UBR1: variants seen among roughly 807,000 people sequenced by gnomAD.
UBR1 encodes ubiquitin protein ligase E3 component n-recognin 1, also known as E3 ubiquitin-protein ligase UBR1.
A neutral mutation model predicts 242.1 loss-of-function variants in UBR1; 102 were observed. That is an observed-to-expected ratio of 0.42 (90% confidence interval 0.36 to 0.50). UBR1 has a LOEUF of 0.50. Among genes scored for constraint, UBR1 ranks in the 20% least tolerant of loss-of-function variants. The pLI, the probability that UBR1 is intolerant of heterozygous loss-of-function variation, is 0.01. For synonymous variants in UBR1, 675 were observed against 684.8 expected (o/e 0.99, Z 0.22); for missense variants, 1,772 against 2,101.8 (o/e 0.84, Z 3.07).
intron 43 of UBR1, 97 bp from the exon 44 acceptor site, chr15:42,958,187 A>C: frequency 1.3e-6 from 1 of 759,710 alleles, no homozygotes; most frequent in Non-Finnish European, 2.2e-6. Flanking sequence ...AAATAACAAA[A>C]GGATCTACAC....
At chr15:43,040,626 G>A (rs1221918624) in intron 15 of UBR1, among the ~76,000 whole-genome samples, 1 of 152,178 alleles carries the variant, frequency 6.6e-6, no homozygotes, top group African/African-American at 2.4e-5. Context: ...CTTCTGCACA[G>A]CAAAAGAAAC....
chr15:43,100,181 T>G (rs1197264699), intron 1 of UBR1, among the ~76,000 whole-genome samples: 2 of 151,972 alleles, frequency 1.3e-5, no homozygotes, highest in Non-Finnish European at 2.9e-5. Context: ...GGCCAAGAGG[T>G]GCCTTTAACC....
intron 1 of UBR1, 133 bp from the exon 2 acceptor site, chr15:43,086,373 G>A: frequency 6.3e-6 from 6 of 956,810 alleles, no homozygotes; most frequent in Non-Finnish European, 8.5e-6. Context: ...AATACAGAAG[G>A]AAAGTGGGTG....
intron 43 of UBR1, among the ~76,000 whole-genome samples, chr15:42,959,233 G>T (rs557977591): frequency 6.6e-6 from 1 of 151,870 alleles, no homozygotes; most frequent in South Asian, 2.1e-4. Context: ...TTTTTGGTTT[G>T]TTTTTTTAGA....
chr15:42,989,720 C>T (rs1369669108), intron 34 of UBR1, among the ~76,000 whole-genome samples: 1 of 152,132 alleles, frequency 6.6e-6, no homozygotes, highest in Non-Finnish European at 1.5e-5. Context: ...AATGAAGTCT[C>T]ATAATTCTGG....
intron 8 of UBR1, 37 bp from the exon 9 acceptor site, chr15:43,059,229 T>C (rs751243791): frequency 1.9e-6 from 3 of 1,577,530 alleles, no homozygotes; most frequent in African/African-American, 1.3e-5. Flanking sequence ...ACACAACTTG[T>C]ATTCTTTTTC....
chr15:42,992,127 G>A (rs986396810), intron 33 of UBR1, among the ~76,000 whole-genome samples: 3 of 151,826 alleles, frequency 2.0e-5, no homozygotes, highest in Non-Finnish European at 2.9e-5. Flanking sequence ...ATCTCCATAC[G>A]GTTGGTTTTT....
intron 3 of UBR1, among the ~76,000 whole-genome samples, chr15:43,080,153 C>G (rs1240869835): frequency 6.6e-6 from 1 of 152,150 alleles, no homozygotes; most frequent in Non-Finnish European, 1.5e-5. Context: ...CAGAAGCAGC[C>G]ACAGAGAATA....
intron 1 of UBR1, among the ~76,000 whole-genome samples, chr15:43,093,811 A>C (rs955222126): frequency 1.6e-4 from 24 of 149,210 alleles, no homozygotes; most frequent in Middle Eastern, 3.2e-3. Context: ...AAAAAAAAAA[A>C]CCAAAAAGGC....
intron 17 of UBR1, among the ~76,000 whole-genome samples, chr15:43,037,073 C>T (rs551649450): frequency 6.6e-6 from 1 of 152,096 alleles, no homozygotes; most frequent in East Asian, 1.9e-4. Context: ...CAAGGGCAGG[C>T]TCAGTGGCTC....
Position 42,952,460 on chromosome 15 carries a change from A to G in UBR1, c.4836-12T>C, listed in dbSNP as rs746004104. ...CAGACCGTGGGCACCTCAAAAGAGA[A>G]GAAAACATTTAGAGAATGATGGAAA... On this transcript the variant is annotated splice_polypyrimidine_tract_variant and intron_variant, in intron 44 of 46. Transcript: ENST00000290650. 2 of 1,614,180 alleles carry G rather than the reference A, an allele frequency of 1.2e-6. No homozygotes were observed. Among genetic ancestry groups the G allele is most frequent in the Non-Finnish European group, 1.7e-6 (2 of 1,179,990 alleles).
chr15:43,088,544 G>A (rs1320570224), intron 1 of UBR1, among the ~76,000 whole-genome samples: 1 of 150,854 alleles, frequency 6.6e-6, no homozygotes, highest in Admixed American at 6.6e-5. Context: ...CATCCAGGCT[G>A]GAGTGCCATG....
Position 42,977,746 on chromosome 15 carries a change from T to C in UBR1, c.4218+134A>G, listed in dbSNP as rs1596082841. On this transcript the variant is annotated intron_variant, in intron 38 of 46. Transcript: ENST00000290650. ...CAAATCTGTACCTATTTGTAAACAA[T>C]GGACAGGAGAGACCAAACTTTATAG... 8 of 695,970 alleles carry C rather than the reference T, an allele frequency of 1.1e-5. No individual in the cohort carries two copies. The East Asian group carries it at 1.7e-4, about 15-fold the overall frequency. The allele number at this position is 695,970 out of a possible 1,614,324, so 43.1% of individuals were successfully genotyped here.
At chr15:43,048,613 AG>A in intron 12 of UBR1, 122 bp from the exon 13 acceptor site, 1 of 748,654 alleles carries the variant, frequency 1.3e-6, no homozygotes, top group Admixed American at 2.5e-5. Flanking sequence ...CACAATAATT[AG>A]AAGCTCTGAG....
chr15:43,072,503 G>A (rs1001463847), intron 4 of UBR1, among the ~76,000 whole-genome samples: 1 of 152,194 alleles, frequency 6.6e-6, no homozygotes, highest in Non-Finnish European at 1.5e-5. Context: ...CCTTTCCAAC[G>A]TGGATGCCTT....
Position 43,043,328 on chromosome 15 carries a change from A to T in UBR1, c.1736T>A (p.Ile579Lys). 6.2e-7 allele frequency: 1 copy of T among 1,614,118 alleles called. No homozygotes were observed. The highest frequency in any genetic ancestry group is 1.3e-5 in the African/African-American group (1 of 75,018). ...TTGTACTACTGTCTTGCTACTAGAT[A>T]TGAAACTGGTACTGCACCTCATCAC... ...KAVMRCSTSFISSSKTVVQSC... is the reference protein window; with the variant it reads ...KAVMRCSTSFKSSSKTVVQSC... Residue 579 changes from isoleucine to lysine, a missense_variant, in exon 15 of 47, where the codon ATA (isoleucine) becomes AAA (lysine). Ile to Lys is a moderately radical substitution (Grantham distance 102, BLOSUM62 -3). Coordinates refer to ENST00000290650, the MANE Select transcript of UBR1 (RefSeq NM_174916.3).
intron 15 of UBR1, among the ~76,000 whole-genome samples, chr15:43,041,568 G>A (rs1011758898): frequency 6.6e-5 from 10 of 151,880 alleles, no homozygotes; most frequent in African/African-American, 2.2e-4. Context: ...TTGTGCACCT[G>A]TACCCTAGAA....
At chr15:43,080,492 AT>A (rs2033963401) in intron 3 of UBR1, among the ~76,000 whole-genome samples, 1 of 152,144 alleles carries the variant, frequency 6.6e-6, no homozygotes, top group African/African-American at 2.4e-5. Flanking sequence ...GCTTTCATTT[AT>A]CAATATGTAC....
At chr15:42,968,986 A>G (rs2032158196) in intron 40 of UBR1, among the ~76,000 whole-genome samples, 2 of 152,142 alleles carry the variant, frequency 1.3e-5, no homozygotes, top group Admixed American at 6.6e-5. Flanking sequence ...ATATGTGTGC[A>G]TGTGTCTTTA....
Sources: gnomAD v4.1 joint callset for allele counts (sites outside exome capture counted in the v4.1 genomes callset) on GRCh38, gnomAD v4.1.1 for gene constraint, MANE v1.5 for transcripts, NCBI Gene and HGNC (gene_info 2026-07-23, HGNC 2026-07-21) for gene names.